ACVR1: variants seen among roughly 807,000 people sequenced by gnomAD.
ACVR1 encodes the protein activin A receptor type 1, also known as activin receptor type-1.
Under a neutral mutation model 57.1 loss-of-function variants are expected in ACVR1, and 38 were observed. That is an observed-to-expected ratio of 0.67 (90% CI 0.51 to 0.87). The LOEUF (loss-of-function observed/expected upper bound fraction) is 0.87, where lower values mean the gene tolerates loss of function less well. ACVR1 is among the 40% of genes least tolerant of loss of function. The probability of loss-of-function intolerance (pLI) is 0.00; values close to 1 mark genes in which losing one functional copy is unlikely to be tolerated. For synonymous variants in ACVR1, 212 were observed against 228.1 expected (o/e 0.93, Z 0.63); for missense variants, 463 against 638.2 (o/e 0.73, Z 2.96).
intron 4 of ACVR1, among the ~76,000 whole-genome samples, chr2:157,779,092 A>G (rs541179720): frequency 3.3e-5 from 5 of 152,332 alleles, no homozygotes; most frequent in African/African-American, 1.2e-4. Context: ...AAAGTGTAAA[A>G]CTAACAAAAT....
At chr2:157,805,295 C>T (rs886696157) in intron 2 of ACVR1, among the ~76,000 whole-genome samples, 2 of 152,156 alleles carry the variant, frequency 1.3e-5, no homozygotes, top group Non-Finnish European at 1.5e-5. Flanking sequence ...TTAGTGAGTA[C>T]CTTCATTCAA....
intron 1 of ACVR1, among the ~76,000 whole-genome samples, chr2:157,838,859 T>C (rs1183641277): frequency 1.3e-5 from 2 of 152,168 alleles, no homozygotes; most frequent in Non-Finnish European, 2.9e-5. Context: ...CAGCATTGTT[T>C]CTAGGTAAGT....
Position 157,876,060 on chromosome 2 carries a change from GGCAGCGGCA to G in ACVR1, c.-456_-448del, listed in dbSNP as rs1050356300. 2.7e-5 allele frequency among the ~76,000 whole-genome samples: 4 copies of G among 148,712 alleles called. No homozygotes were observed. The highest frequency in any genetic ancestry group is 6.0e-5 in the Non-Finnish European group (4 of 66,512). ...GGCGCGGCTGGCCGAGGAGCAGGCT[GGCAGCGGCA>G]GCGGCGGCAGCGGCAGCCACCCGGG... On this transcript the variant is annotated 5_prime_UTR_variant, in exon 1 of 11. Transcript: ENST00000434821.
At chr2:157,755,617 A>G (rs1031556609) in intron 9 of ACVR1, among the ~76,000 whole-genome samples, 6 of 152,128 alleles carry the variant, frequency 3.9e-5, no homozygotes, top group Non-Finnish European at 7.4e-5. Flanking sequence ...AGGAAGCAGA[A>G]GATCTCTACA....
chr2:157,833,590 T>C (rs1371261207), intron 1 of ACVR1, among the ~76,000 whole-genome samples: 3 of 152,140 alleles, frequency 2.0e-5, no homozygotes, highest in African/African-American at 7.2e-5. Flanking sequence ...CGTTAGCAAT[T>C]GTCTCTGTTT....
At chr2:157,769,165 A>G (rs943032165) in intron 7 of ACVR1, among the ~76,000 whole-genome samples, 4 of 152,210 alleles carry the variant, frequency 2.6e-5, no homozygotes, top group African/African-American at 9.6e-5. Flanking sequence ...GTTTGTGGCG[A>G]TCTCAAGGAA....
intron 9 of ACVR1, among the ~76,000 whole-genome samples, chr2:157,759,070 G>A (rs1450317476): frequency 1.3e-5 from 2 of 151,898 alleles, no homozygotes; most frequent in African/African-American, 4.8e-5. Flanking sequence ...AGAATCTAAA[G>A]ATGGGCCTCA....
At chr2:157,795,386 AC>A (rs1687070527) in intron 3 of ACVR1, among the ~76,000 whole-genome samples, 1 of 31,412 alleles carries the variant, frequency 3.2e-5, no homozygotes. Context: ...GAACACACAC[AC>A]ACACACACAC....
At chr2:157,845,396 G>C (rs1177445493) in intron 1 of ACVR1, among the ~76,000 whole-genome samples, 3 of 152,296 alleles carry the variant, frequency 2.0e-5, no homozygotes, top group East Asian at 1.9e-4. Flanking sequence ...GAGGCACAGA[G>C]AGAAGGTCAT....
At chr2:157,809,531 G>T (rs1403790048) in intron 2 of ACVR1, among the ~76,000 whole-genome samples, 1 of 152,128 alleles carries the variant, frequency 6.6e-6, no homozygotes, top group Admixed American at 6.6e-5. Flanking sequence ...AGGAGACAGG[G>T]AGAGGAGGCA....
intron 9 of ACVR1, among the ~76,000 whole-genome samples, chr2:157,750,121 G>A (rs1456822224): frequency 2.0e-5 from 3 of 152,212 alleles, no homozygotes; most frequent in Admixed American, 1.3e-4. Flanking sequence ...CATGCCTCCT[G>A]GGGACCTGAG....
intron 1 of ACVR1, among the ~76,000 whole-genome samples, chr2:157,850,975 G>A (rs1689278679): frequency 6.6e-6 from 1 of 152,006 alleles, no homozygotes; most frequent in East Asian, 1.9e-4. Flanking sequence ...ACAAAGAAAA[G>A]TTAGCTTAGC....
intron 1 of ACVR1, among the ~76,000 whole-genome samples, chr2:157,857,069 C>T (rs866052256): frequency 9.9e-5 from 15 of 151,942 alleles, no homozygotes; most frequent in African/African-American, 2.9e-4. Flanking sequence ...TGTGGTGGTA[C>T]GCACTGTAGT....
In ACVR1 at chr2:157,853,334, C is replaced by A. The variant is rs150746016; in HGVS notation, c.-183+22462G>T. ...GGGTCCTCTTCCTGGCTAACAGGGG[C>A]AGCCTTCTTGCTGTGTCCTCATGTG... On this transcript the variant is annotated intron_variant, in intron 1 of 10. Coordinates refer to ENST00000434821, the MANE Select transcript of ACVR1 (RefSeq NM_001111067.4). Among the ~76,000 whole-genome samples the A allele has an allele frequency of 1.9e-3, 292 of 152,278 alleles. 3 individuals are homozygous for A. The highest frequency in any genetic ancestry group is 6.3e-3 in the Admixed American group (96 of 15,296).
chr2:157,820,487 C>G lies in ACVR1; in HGVS notation c.-182-1928G>C, dbSNP rs551101301. Among the ~76,000 whole-genome samples, 7 of 152,186 alleles carry G rather than the reference C, an allele frequency of 4.6e-5. No individual in the cohort carries two copies. In the East Asian group the frequency reaches 1.4e-3, roughly 29 times the overall value. Reference sequence around the variant, plus strand: ...ATGTCTTTAAGTGAGAGTTACTGTACTGGTAGGAAGAGGTTTAGATAAGCC... The same window carrying G: ...ATGTCTTTAAGTGAGAGTTACTGTAGTGGTAGGAAGAGGTTTAGATAAGCC... On this transcript the variant is annotated intron_variant, in intron 1 of 10. Transcript: ENST00000434821.
At chr2:157,789,729 T>C (rs1335344533) in intron 3 of ACVR1, among the ~76,000 whole-genome samples, 1 of 152,206 alleles carries the variant, frequency 6.6e-6, no homozygotes, top group Non-Finnish European at 1.5e-5. Context: ...GTGCCAATAT[T>C]TGGACTACTG....
chr2:157,840,403 A>G (rs912477151), intron 1 of ACVR1, among the ~76,000 whole-genome samples: 1 of 152,204 alleles, frequency 6.6e-6, no homozygotes, highest in African/African-American at 2.4e-5. Context: ...ATAAATACGC[A>G]TATCATACAT....
At chr2:157,825,403 G>A (rs897038102) in intron 1 of ACVR1, among the ~76,000 whole-genome samples, 1 of 152,074 alleles carries the variant, frequency 6.6e-6, no homozygotes, top group Non-Finnish European at 1.5e-5. Context: ...CAACTCATCA[G>A]GCCAGGGGTC....
In ACVR1 at chr2:157,810,767, T is replaced by C. The variant is rs1225059790; in HGVS notation, c.-8+7618A>G. ...CTCCTCAGCCCCAAGGTCTCCAATA[T>C]CCACCCTCTTCATCCTTTCACCGAA... On this transcript the variant is annotated intron_variant, in intron 2 of 10. Transcript: ENST00000434821. Among the ~76,000 whole-genome samples the C allele has an allele frequency of 2.0e-5, 3 of 152,138 alleles. No individual in the cohort carries two copies. The East Asian group carries it at 5.8e-4, about 29-fold the overall frequency.
Sources: allele counts gnomAD v4.1 joint callset (sites outside exome capture counted in the v4.1 genomes callset), GRCh38; gene constraint gnomAD v4.1.1; transcripts MANE v1.5; gene names NCBI Gene and HGNC (gene_info 2026-07-23, HGNC 2026-07-21).